The following GSK3B variants were observed in gnomAD, a reference collection of about 807,000 sequenced individuals.
GSK3B encodes glycogen synthase kinase-3 beta.
A neutral mutation model predicts 56.4 loss-of-function variants in GSK3B; 15 were observed. That is an observed-to-expected ratio of 0.27 (90% confidence interval 0.18 to 0.41). GSK3B has a LOEUF of 0.41. Among genes scored for constraint, GSK3B ranks in the 10% least tolerant of loss-of-function variants. The pLI is 1.00. For missense variants in GSK3B, 300 were observed against 513.4 expected, an observed-to-expected ratio of 0.58 and a Z score of 4.02; for synonymous variants, 181 against 188.9, an observed-to-expected ratio of 0.96 and a Z score of 0.34.
At chr3:119,879,406 C>A (rs1465213441) in intron 7 of GSK3B, among the ~76,000 whole-genome samples, 1 of 152,114 alleles carries the variant, frequency 6.6e-6, no homozygotes, top group Non-Finnish European at 1.5e-5. Flanking sequence ...TGGTCTTGAT[C>A]TCCTGACCTC....
chr3:119,880,573 T>C (rs1478509279), intron 7 of GSK3B, among the ~76,000 whole-genome samples: 3 of 152,200 alleles, frequency 2.0e-5, no homozygotes, highest in Non-Finnish European at 4.4e-5. Context: ...GGAAGGATAT[T>C]CTGAGCTACA....
chr3:119,838,194 C>A (rs915567865), intron 10 of GSK3B, among the ~76,000 whole-genome samples: 23 of 151,906 alleles, frequency 1.5e-4, no homozygotes, highest in Admixed American at 9.8e-4. Flanking sequence ...AAGGCTGAGG[C>A]ATGAGAATCA....
At chr3:120,056,964 A>T (rs2058196423) in intron 1 of GSK3B, among the ~76,000 whole-genome samples, 1 of 152,060 alleles carries the variant, frequency 6.6e-6, no homozygotes, top group Non-Finnish European at 1.5e-5. Flanking sequence ...CCATAATGGC[A>T]AAACCTTGTC....
Position 119,930,590 on chromosome 3 carries a change from T to G in GSK3B, c.367-7107A>C, listed in dbSNP as rs560616213. On this transcript the variant is annotated intron_variant, in intron 3 of 10. Coordinates refer to ENST00000264235, the MANE Select transcript of GSK3B (RefSeq NM_001146156.2). ...CTGGTATGATAGACCAAACCTGCAA[T>G]ATGAAATTTAACAAAGGCCCTATGA... Among the ~76,000 whole-genome samples the G allele has an allele frequency of 4.6e-5, 7 of 152,272 alleles. No individual in the cohort carries two copies. The Middle Eastern group carries it at 0.017, about 370-fold the overall frequency.
intron 1 of GSK3B, among the ~76,000 whole-genome samples, chr3:120,011,986 A>AGGGGAAATGGAG (rs2057782566): frequency 4.6e-5 from 7 of 152,176 alleles, no homozygotes; most frequent in Non-Finnish European, 7.4e-5. Context: ...TTCCCCTTAA[A>AGGGGAAATGGAG]AAAAGAAGAT....
rs71619762 is a variant in GSK3B, at chr3:119,930,080, T to TACACACACACACACAC, written c.367-6613_367-6598dup. On this transcript the variant is annotated intron_variant, in intron 3 of 10. Coordinates refer to ENST00000264235, the MANE Select transcript of GSK3B (RefSeq NM_001146156.2). ...GACGACACAGTGAGATTCTGTCTCCTACACACACACACACACACACACACA... is the reference window on the plus strand; with the variant it reads ...GACGACACAGTGAGATTCTGTCTCCTACACACACACACACACACACACACACACACACACACACACA... 3.8e-4 allele frequency among the ~76,000 whole-genome samples: 51 copies of TACACACACACACACAC among 133,588 alleles called. 1 individual carries two copies. Among genetic ancestry groups the TACACACACACACACAC allele is most frequent in the African/African-American group, 9.9e-4 (34 of 34,516 alleles). The allele number at this position is 133,588 out of a possible 152,430, so 87.6% of individuals were successfully genotyped here.
chr3:119,971,840 T>C (rs1018441942), intron 2 of GSK3B, among the ~76,000 whole-genome samples: 6 of 151,680 alleles, frequency 4.0e-5, no homozygotes, highest in African/African-American at 1.5e-4. Context: ...CTCGATCTCC[T>C]GACCTCGTGA....
At chr3:119,964,151 C>T (rs977383139) in intron 2 of GSK3B, among the ~76,000 whole-genome samples, 5 of 152,114 alleles carry the variant, frequency 3.3e-5, no homozygotes, top group African/African-American at 1.2e-4. Flanking sequence ...ACTCCTATAA[C>T]TCAACAGCAA....
intron 7 of GSK3B, among the ~76,000 whole-genome samples, chr3:119,888,917 T>TG (rs1273780961): frequency 6.6e-6 from 1 of 152,102 alleles, no homozygotes; most frequent in South Asian, 2.1e-4. Flanking sequence ...CTTAGCAGGG[T>TG]GGGGAAAAAT....
intron 10 of GSK3B, among the ~76,000 whole-genome samples, chr3:119,828,342 G>T (rs1256146231): frequency 6.6e-6 from 1 of 152,158 alleles, no homozygotes; most frequent in Non-Finnish European, 1.5e-5. Context: ...CTATCAAGTT[G>T]CATCCTTGTC....
chr3:119,983,968 T>C (rs2057489056), intron 2 of GSK3B, among the ~76,000 whole-genome samples: 1 of 152,158 alleles, frequency 6.6e-6, no homozygotes, highest in Non-Finnish European at 1.5e-5. Context: ...AAAGCACTCC[T>C]CAGCAAATGT....
At chr3:120,025,151 T>C (rs2057912254) in intron 1 of GSK3B, among the ~76,000 whole-genome samples, 1 of 151,914 alleles carries the variant, frequency 6.6e-6, no homozygotes, top group African/African-American at 2.4e-5. Context: ...TTGACACCAG[T>C]AGTTTGAGAC....
chr3:119,964,158 G>A (rs1174575239), intron 2 of GSK3B, among the ~76,000 whole-genome samples: 1 of 151,970 alleles, frequency 6.6e-6, no homozygotes, highest in Non-Finnish European at 1.5e-5. Context: ...TAACTCAACA[G>A]CAAAAAATGA....
intron 2 of GSK3B, among the ~76,000 whole-genome samples, chr3:119,966,621 G>A (rs1041652776): frequency 6.6e-6 from 1 of 152,096 alleles, no homozygotes; most frequent in Non-Finnish European, 1.5e-5. Flanking sequence ...CTGGCTGGGG[G>A]TTAACAACAA....
intron 9 of GSK3B, among the ~76,000 whole-genome samples, chr3:119,859,444 A>G (rs774010196): frequency 1.3e-5 from 2 of 152,214 alleles, no homozygotes; most frequent in Non-Finnish European, 2.9e-5. Flanking sequence ...TCTGCTAGTT[A>G]TCATAATTAA....
intron 1 of GSK3B, among the ~76,000 whole-genome samples, chr3:120,020,056 A>T (rs2057859201): frequency 6.6e-6 from 1 of 152,224 alleles, no homozygotes; most frequent in African/African-American, 2.4e-5. Context: ...GCTTTTCTGT[A>T]TAACAAAATA....
chr3:120,050,070 C>T (rs1049577732), intron 1 of GSK3B, among the ~76,000 whole-genome samples: 3 of 152,132 alleles, frequency 2.0e-5, no homozygotes, highest in African/African-American at 7.2e-5. Context: ...CACAAAATGA[C>T]AAAGAAGCTC....
chr3:120,041,332 G>T, intron 1 of GSK3B: 1 of 307,048 alleles, frequency 3.3e-6, no homozygotes, highest in South Asian at 3.9e-5. Flanking sequence ...GGCATTTATT[G>T]TAGTTGGGCC....
At chr3:120,001,560 T>A (rs1402914958) in intron 2 of GSK3B, among the ~76,000 whole-genome samples, 1 of 152,158 alleles carries the variant, frequency 6.6e-6, no homozygotes, top group Non-Finnish European at 1.5e-5. Context: ...GTGAGCCAAT[T>A]AAACCTCTTT....
Sources: allele counts gnomAD v4.1 joint callset (sites outside exome capture counted in the v4.1 genomes callset), GRCh38; gene constraint gnomAD v4.1.1; transcripts MANE v1.5; gene names NCBI Gene and HGNC (gene_info 2026-07-23, HGNC 2026-07-21).